The following KLC1 variants were observed in gnomAD, a reference collection of about 807,000 sequenced individuals.
The protein encoded by KLC1 is kinesin 2 60/70kDa.
A neutral mutation model predicts 84.2 loss-of-function variants in KLC1; 30 were observed. The observed-to-expected ratio is 0.36, with a 90% CI of 0.27 to 0.48. The LOEUF is 0.48. Ranked by LOEUF, KLC1 falls within the 20% of genes least tolerant of loss-of-function variation. The probability of loss-of-function intolerance (pLI) is 0.99; values close to 1 mark genes in which losing one functional copy is unlikely to be tolerated. For missense variants in KLC1, 499 were observed against 805.4 expected, an observed-to-expected ratio of 0.62 and a Z score of 4.60; for synonymous variants, 289 against 293.3, an observed-to-expected ratio of 0.99 and a Z score of 0.15.
At chr14:103,652,561 G>A (rs963923283) in intron 1 of KLC1, among the ~76,000 whole-genome samples, 5 of 151,714 alleles carry the variant, frequency 3.3e-5, no homozygotes, top group African/African-American at 7.3e-5. Context: ...GCGCGATCTC[G>A]GCTCACTGCA....
rs377581420 is a variant in KLC1 at position 103,693,327 on chromosome 14, A to G, written c.1848+902A>G. Reference sequence around the variant, plus strand: ...GGACATGTTGCTTGAAGCACCCCTAATGACAAGAGGAAAGAAAGTCTCTTC... The same window carrying G: ...GGACATGTTGCTTGAAGCACCCCTAGTGACAAGAGGAAAGAAAGTCTCTTC... On this transcript the variant is annotated intron_variant, in intron 15 of 16. Transcript: ENST00000334553. The surrounding 1 kb of genome is among the most constrained non-coding windows in gnomAD (Gnocchi z 5.1). Among the ~76,000 whole-genome samples, 10 of 151,988 alleles carry G rather than the reference A, an allele frequency of 6.6e-5. No individual in the cohort carries two copies. The South Asian group carries it at 1.0e-3, about 16-fold the overall frequency.
intron 13 of KLC1, among the ~76,000 whole-genome samples, chr14:103,684,582 G>A (rs2081626620): frequency 6.6e-6 from 1 of 152,248 alleles, no homozygotes; most frequent in Non-Finnish European, 1.5e-5. Context: ...GTCTGGGTCT[G>A]CAGAGGCTCA....
At chr14:103,666,598 CTT>C (rs754602644) in intron 5 of KLC1, among the ~76,000 whole-genome samples, 1 of 141,416 alleles carries the variant, frequency 7.1e-6, no homozygotes, top group Admixed American at 7.2e-5. Context: ...TCATTTAATT[CTT>C]TTTTTTTTTT....
intron 9 of KLC1, among the ~76,000 whole-genome samples, chr14:103,674,481 C>T (rs1271952003): frequency 6.6e-6 from 1 of 150,720 alleles, no homozygotes; most frequent in African/African-American, 2.4e-5. Context: ...ATGATGTGAT[C>T]TTGGCTCACT....
At chr14:103,696,529 G>T (rs1181997648) in intron 15 of KLC1, 3 of 985,448 alleles carry the variant, frequency 3.0e-6, no homozygotes, top group Non-Finnish European at 3.6e-6. Flanking sequence ...TTTCTTGGAG[G>T]ATGTCATTAG....
chr14:103,666,706 C>T (rs1360433895), intron 5 of KLC1, among the ~76,000 whole-genome samples: 1 of 149,470 alleles, frequency 6.7e-6, no homozygotes, highest in African/African-American at 2.5e-5. Flanking sequence ...GAGGCGATTC[C>T]ACCCACCCCG....
At position 103,667,134 on chromosome 14, in the gene KLC1, G is replaced by A. The variant is rs185035466; in HGVS notation, c.798-2377G>A. Among the ~76,000 whole-genome samples the A allele has an allele frequency of 7.1e-4, 107 of 150,178 alleles. 2 individuals carry two copies. Among genetic ancestry groups the A allele is most frequent in the South Asian group, 1.7e-3 (8 of 4,776 alleles). The stretch of plus-strand genomic sequence containing the variant: ...TTATTTTATTTTATTTTTTTTACAC[G>A]GAGTTTCACTCTTGTTGGCCAGGCT... On this transcript the variant is annotated intron_variant, in intron 5 of 16. Coordinates refer to ENST00000334553, the MANE Select transcript of KLC1 (RefSeq NM_001394837.1).
In KLC1 at chr14:103,694,839, G is replaced by A. The variant is rs1453463399; in HGVS notation, c.1848+2414G>A. ...AGAGTGTCCTGAGGTTTTGTTACAA[G>A]GCTAGACTTTAAAATACCTTTCAAA... On this transcript the variant is annotated intron_variant, in intron 15 of 16. Coordinates refer to ENST00000334553, the MANE Select transcript of KLC1 (RefSeq NM_001394837.1). The surrounding 1 kb of genome is among the most constrained non-coding windows in gnomAD (Gnocchi z 4.5). 3 of 985,374 alleles carry A rather than the reference G, an allele frequency of 3.0e-6. No individual in the cohort carries two copies. Among genetic ancestry groups the A allele is most frequent in the Admixed American group, 1.2e-4 (2 of 16,274 alleles). 61.0% of individuals were successfully genotyped at this position (985,374 alleles called of 1,614,324 possible).
At chr14:103,700,224 T>TAG (rs2083039884) in intron 15 of KLC1, 1 of 202,424 alleles carries the variant, frequency 4.9e-6, no homozygotes. Flanking sequence ...ATCCAGGCCT[T>TAG]AGCCCTGTGC....
intron 5 of KLC1, among the ~76,000 whole-genome samples, chr14:103,669,266 C>G (rs139673191): frequency 7.2e-4 from 110 of 151,736 alleles, no homozygotes; most frequent in African/African-American, 2.5e-3. Flanking sequence ...GAAATCCCGT[C>G]TCTACTAAAA....
At chr14:103,641,290 A>G (rs2151345779) in intron 1 of KLC1, among the ~76,000 whole-genome samples, 1 of 152,108 alleles carries the variant, frequency 6.6e-6, no homozygotes, top group South Asian at 2.1e-4. Flanking sequence ...TCCTTGTTGT[A>G]CCTCAGGATC....
chr14:103,639,868 C>A (rs1029134744), intron 1 of KLC1, among the ~76,000 whole-genome samples: 1 of 152,140 alleles, frequency 6.6e-6, no homozygotes, highest in Non-Finnish European at 1.5e-5. Flanking sequence ...CAGTGATACA[C>A]CTCAGCCTCC....
intron 1 of KLC1, among the ~76,000 whole-genome samples, chr14:103,651,178 T>G (rs1207915200): frequency 6.6e-6 from 1 of 151,858 alleles, no homozygotes; most frequent in Non-Finnish European, 1.5e-5. Flanking sequence ...CCCGGCTAAT[T>G]TTTTGTATTT....
At chr14:103,638,689 T>C (rs1338374884) in intron 1 of KLC1, among the ~76,000 whole-genome samples, 1 of 138,842 alleles carries the variant, frequency 7.2e-6, no homozygotes, top group Non-Finnish European at 1.5e-5. Flanking sequence ...TGAGTCAGAG[T>C]CTCGCTCTGT....
At chr14:103,662,219 GT>G in intron 4 of KLC1, 25 bp downstream of exon 4, 1 of 1,558,884 alleles carries the variant, frequency 6.4e-7, no homozygotes, top group Non-Finnish European at 8.9e-7. Context: ...ATGCAGGCAT[GT>G]TACCGAGTGC....
At chr14:103,676,183 C>T (rs1166460253) in intron 11 of KLC1, among the ~76,000 whole-genome samples, 2 of 152,210 alleles carry the variant, frequency 1.3e-5, no homozygotes, top group African/African-American at 4.8e-5. Flanking sequence ...AGAGCCTTGC[C>T]TCTTGAGCCC....
At chr14:103,633,761 T>C (rs75414096) in intron 1 of KLC1, among the ~76,000 whole-genome samples, 8,007 of 152,208 alleles carry the variant, frequency 0.053, 241 homozygotes, top group South Asian at 0.093. Flanking sequence ...AAACCCATTC[T>C]TGTAGTGATT....
At chr14:103,697,140 A>G (rs2082597774) in intron 15 of KLC1, 1 of 984,702 alleles carries the variant, frequency 1.0e-6, no homozygotes, top group Non-Finnish European at 1.2e-6. Flanking sequence ...AAAATGTCTT[A>G]CTTGCCATTG....
chr14:103,665,199 G>A (rs2079655862), intron 5 of KLC1, among the ~76,000 whole-genome samples: 1 of 151,280 alleles, frequency 6.6e-6, no homozygotes, highest in Admixed American at 6.6e-5. Context: ...TCTTTATAAG[G>A]TTTGTTCAAG....
Sources: gnomAD v4.1 joint callset for allele counts (sites outside exome capture counted in the v4.1 genomes callset) on GRCh38, gnomAD v4.1.1 for gene constraint, Gnocchi (gnomAD v3.1) non-coding constraint, MANE v1.5 for transcripts, NCBI Gene and HGNC (gene_info 2026-07-23, HGNC 2026-07-21) for gene names.